BORCS5: variants seen among roughly 807,000 people sequenced by gnomAD.
BORCS5 encodes BLOC-1-related complex subunit 5.
In BORCS5, 17 loss-of-function variants were observed where a neutral mutation model predicts 22.1. The ratio of observed to expected loss-of-function variants is 0.77; its 90% confidence interval spans 0.53 to 1.15. The LOEUF is 1.15. Among genes scored for constraint, BORCS5 ranks in the 50% most tolerant of loss-of-function variants. The pLI, the probability that BORCS5 is intolerant of heterozygous loss-of-function variation, is 0.00. For synonymous variants in BORCS5, 117 were observed against 99.8 expected, an observed-to-expected ratio of 1.17 and a Z score of -1.03; for missense variants, 247 against 253.2, an observed-to-expected ratio of 0.98 and a Z score of 0.17.
At chr12:12,441,544 CT>C (rs35801697) in intron 3 of BORCS5, among the ~76,000 whole-genome samples, 94,621 of 151,800 alleles carry the variant, frequency 0.62, 30,646 homozygotes, top group African/African-American at 0.79. Context: ...AGTGTTAGCT[CT>C]TTGTTATTGC....
chr12:12,466,483 C>G lies in BORCS5; in HGVS notation c.*707C>G, dbSNP rs1296270536. On this transcript the variant is annotated 3_prime_UTR_variant, in exon 4 of 4. Coordinates refer to ENST00000314565, the MANE Select transcript of BORCS5 (RefSeq NM_058169.6). Reference sequence around the variant, plus strand: ...CTTTGACTGCAGAGATGTCTCATTCCACAGACATTTCTTGAACCCATTTGA... The same window carrying G: ...CTTTGACTGCAGAGATGTCTCATTCGACAGACATTTCTTGAACCCATTTGA... 2.0e-5 allele frequency: 3 copies of G among 152,158 alleles called. No homozygotes were observed. The highest frequency in any genetic ancestry group is 4.4e-5 in the Non-Finnish European group (3 of 68,054). The allele number at this position is 152,158 out of a possible 1,614,324, so 9.4% of individuals were successfully genotyped here.
intron 2 of BORCS5, among the ~76,000 whole-genome samples, chr12:12,399,275 GA>G (rs2136070304): frequency 6.6e-6 from 1 of 152,144 alleles, no homozygotes; most frequent in East Asian, 1.9e-4. Context: ...AGTATTGGGG[GA>G]AAAAGTTTGG....
intron 2 of BORCS5, among the ~76,000 whole-genome samples, chr12:12,398,330 T>C (rs10772558): frequency 0.35 from 53,251 of 151,946 alleles, 9,694 homozygotes; most frequent in Admixed American, 0.37. Flanking sequence ...GGAGGAGGGA[T>C]TGTGGGCAAA....
At chr12:12,432,379 G>A (rs920257236) in intron 2 of BORCS5, among the ~76,000 whole-genome samples, 2 of 152,180 alleles carry the variant, frequency 1.3e-5, no homozygotes, top group African/African-American at 4.8e-5. Flanking sequence ...GTCAGTGATA[G>A]GGTAGCCCTT....
In BORCS5 at chr12:12,380,575, TG is replaced by T. The variant is rs1262914255; in HGVS notation, c.202+19227del. 5.9e-5 allele frequency among the ~76,000 whole-genome samples: 9 copies of T among 151,734 alleles called. No individual in the cohort carries two copies. In the South Asian group the frequency reaches 1.3e-3, roughly 21 times the overall value. On this transcript the variant is annotated intron_variant, in intron 2 of 3. Transcript: ENST00000314565. ...TTGCCTGTTATGAATAATGCTGCTA[TG>T]AACCTTTGTGACCATGTGTTCATGT...
intron 2 of BORCS5, among the ~76,000 whole-genome samples, chr12:12,397,156 A>G (rs528555834): frequency 1.7e-4 from 26 of 152,226 alleles, no homozygotes; most frequent in South Asian, 8.3e-4. Flanking sequence ...TTGAAACCTT[A>G]TATCTTTGAG....
At chr12:12,385,251 G>T (rs910904410) in intron 2 of BORCS5, among the ~76,000 whole-genome samples, 3 of 151,376 alleles carry the variant, frequency 2.0e-5, no homozygotes, top group African/African-American at 4.9e-5. Flanking sequence ...CCCTGACCAC[G>T]ACCACAACCT....
intron 2 of BORCS5, among the ~76,000 whole-genome samples, chr12:12,435,392 C>G (rs1009260177): frequency 6.6e-6 from 1 of 152,156 alleles, no homozygotes; most frequent in Non-Finnish European, 1.5e-5. Flanking sequence ...TAATACCTCA[C>G]TTTCCAGGGC....
Position 12,425,726 on chromosome 12 carries a change from T to C in BORCS5, c.203-9902T>C, listed in dbSNP as rs115451954. 5.0e-3 allele frequency among the ~76,000 whole-genome samples: 758 copies of C among 152,370 alleles called. 8 individuals carry two copies. The highest frequency in any genetic ancestry group is 0.017 in the African/African-American group (723 of 41,582). ...AATTTAGCTCCTTTTCATATTTGCC[T>C]TCCTTATAAATAACTCCTGCTTCTT... On this transcript the variant is annotated intron_variant, in intron 2 of 3. Coordinates refer to ENST00000314565, the MANE Select transcript of BORCS5 (RefSeq NM_058169.6).
intron 2 of BORCS5, among the ~76,000 whole-genome samples, chr12:12,362,508 C>T (rs1330952764): frequency 6.6e-6 from 1 of 152,092 alleles, no homozygotes; most frequent in Non-Finnish European, 1.5e-5. Context: ...TGGTGTGCTG[C>T]ACCCATTAAC....
At chr12:12,372,152 G>A (rs1429623311) in intron 2 of BORCS5, among the ~76,000 whole-genome samples, 3 of 151,722 alleles carry the variant, frequency 2.0e-5, no homozygotes, top group Admixed American at 6.6e-5. Flanking sequence ...CAATTCTCAT[G>A]CCTTAGTCTC....
At chr12:12,438,367 A>AAAAAAAAC (rs1555156003) in intron 3 of BORCS5, among the ~76,000 whole-genome samples, 15 of 68,364 alleles carry the variant, frequency 2.2e-4, no homozygotes, top group African/African-American at 7.4e-4. Flanking sequence ...TCTCAAAAAA[A>AAAAAAAAC]AAAAAAAAAA....
intron 2 of BORCS5, among the ~76,000 whole-genome samples, chr12:12,421,088 T>C (rs555939376): frequency 4.6e-5 from 7 of 152,338 alleles, no homozygotes; most frequent in Non-Finnish European, 1.0e-4. Context: ...AACACTGTGT[T>C]GAATAGGAGT....
chr12:12,362,354 T>C (rs1277673037), intron 2 of BORCS5, among the ~76,000 whole-genome samples: 1 of 152,236 alleles, frequency 6.6e-6, no homozygotes, highest in Non-Finnish European at 1.5e-5. Context: ...AGATGATCCA[T>C]ATATTGTCTT....
chr12:12,457,470 C>T (rs1441142622), intron 3 of BORCS5, among the ~76,000 whole-genome samples: 2 of 152,168 alleles, frequency 1.3e-5, no homozygotes, highest in Admixed American at 1.3e-4. Context: ...GAGATCGAGA[C>T]CATCCTGGCT....
At chr12:12,419,654 C>T (rs1212452707) in intron 2 of BORCS5, among the ~76,000 whole-genome samples, 1 of 152,114 alleles carries the variant, frequency 6.6e-6, no homozygotes, top group African/African-American at 2.4e-5. Flanking sequence ...AAATTACACT[C>T]CCACCAACGG....
chr12:12,405,717 T>G (rs1034523499), intron 2 of BORCS5, among the ~76,000 whole-genome samples: 4 of 152,220 alleles, frequency 2.6e-5, no homozygotes, highest in Non-Finnish European at 5.9e-5. Flanking sequence ...AATAATGTTG[T>G]TTATTGTTTT....
rs1203060702 is a variant in BORCS5, at chr12:12,468,339, G to A, written c.*2563G>A. 6.6e-6 allele frequency: 1 copy of A among 152,262 alleles called. No individual in the cohort carries two copies. The highest frequency in any genetic ancestry group is 1.5e-5 in the Non-Finnish European group (1 of 68,070). 9.4% of individuals were successfully genotyped at this position (152,262 alleles called of 1,614,324 possible). On this transcript the variant is annotated 3_prime_UTR_variant, in exon 4 of 4. Coordinates refer to ENST00000314565, the MANE Select transcript of BORCS5 (RefSeq NM_058169.6). ...GGAGTCTGAGTGATTTGTATTTCAAGAAGCAGTTATGCTGGATCTCTTTGT... is the reference window on the plus strand; with the variant it reads ...GGAGTCTGAGTGATTTGTATTTCAAAAAGCAGTTATGCTGGATCTCTTTGT...
chr12:12,461,084 T>G (rs1184372969), intron 3 of BORCS5, among the ~76,000 whole-genome samples: 1 of 152,140 alleles, frequency 6.6e-6, no homozygotes, highest in African/African-American at 2.4e-5. Context: ...AGATGGTATA[T>G]GAATCTGTAG....
Sources: gnomAD v4.1 joint callset for allele counts (sites outside exome capture counted in the v4.1 genomes callset) on GRCh38, gnomAD v4.1.1 for gene constraint, MANE v1.5 for transcripts, NCBI Gene and HGNC (gene_info 2026-07-23, HGNC 2026-07-21) for gene names.